ROBO2: variants seen among roughly 807,000 people sequenced by gnomAD.
ROBO2 encodes roundabout homolog 2.
In ROBO2, 53 loss-of-function variants were observed where a neutral mutation model predicts 160.8. The ratio of observed to expected loss-of-function variants is 0.33; its 90% CI spans 0.26 to 0.41. The LOEUF (loss-of-function observed/expected upper bound fraction) is 0.41. Ranked by LOEUF, ROBO2 falls within the 10% of genes least tolerant of loss-of-function variation. The pLI is 1.00. For missense variants in ROBO2, 1,577 were observed against 1,722.4 expected (o/e 0.92, Z 1.49); for synonymous variants, 664 against 611.7 (o/e 1.09, Z -1.26).
At chr3:76,000,151 A>G (rs1249490317) in intron 2 of ROBO2, among the ~76,000 whole-genome samples, 1 of 152,128 alleles carries the variant, frequency 6.6e-6, no homozygotes, top group Admixed American at 6.6e-5. Flanking sequence ...AGACCTTAAC[A>G]TTCATCATCT....
At chr3:76,864,411 T>A (rs1412590471) in intron 2 of ROBO2, among the ~76,000 whole-genome samples, 1 of 152,054 alleles carries the variant, frequency 6.6e-6, no homozygotes, top group African/African-American at 2.4e-5. Context: ...AATAGAAAAA[T>A]TATTCCACCG....
intron 2 of ROBO2, among the ~76,000 whole-genome samples, chr3:76,105,305 C>A (rs1407249932): frequency 6.6e-6 from 1 of 152,046 alleles, no homozygotes; most frequent in African/African-American, 2.4e-5. Flanking sequence ...GAATTGCACA[C>A]CTTCTATAAA....
intron 2 of ROBO2, among the ~76,000 whole-genome samples, chr3:76,594,526 G>A (rs1031550606): frequency 6.6e-6 from 1 of 151,932 alleles, no homozygotes; most frequent in African/African-American, 2.4e-5. Context: ...AATTCCTAAA[G>A]AGCCTTATCC....
At chr3:76,444,643 A>G (rs2077081265) in intron 2 of ROBO2, among the ~76,000 whole-genome samples, 1 of 152,112 alleles carries the variant, frequency 6.6e-6, no homozygotes, top group Non-Finnish European at 1.5e-5. Context: ...GCATGGGGGA[A>G]CCACCTCCAT....
At chr3:76,245,465 G>A (rs1326090983) in intron 2 of ROBO2, among the ~76,000 whole-genome samples, 2 of 152,048 alleles carry the variant, frequency 1.3e-5, no homozygotes, top group African/African-American at 4.8e-5. Flanking sequence ...AGCTCTTTGG[G>A]AAAATGATCC....
At chr3:77,091,021 C>G (rs950338025) in intron 1 of ROBO2, among the ~76,000 whole-genome samples, 1 of 152,166 alleles carries the variant, frequency 6.6e-6, no homozygotes, top group South Asian at 2.1e-4. Context: ...ATATTTCACA[C>G]TCTGTCCCTA....
chr3:76,749,813 T>C (rs2093951282), intron 2 of ROBO2, among the ~76,000 whole-genome samples: 1 of 151,654 alleles, frequency 6.6e-6, no homozygotes, highest in African/African-American at 2.4e-5. Context: ...AGGTTTAAGA[T>C]GGCACAACCC....
chr3:76,248,672 AAG>A (rs1491113279), intron 2 of ROBO2, among the ~76,000 whole-genome samples: 2,721 of 69,678 alleles, frequency 0.039, 93 homozygotes, highest in East Asian at 0.26. Flanking sequence ...AAAAAAAAAA[AAG>A]AAATTCTTCC....
At chr3:76,598,087 A>G (rs761310924) in intron 2 of ROBO2, among the ~76,000 whole-genome samples, 1 of 152,118 alleles carries the variant, frequency 6.6e-6, no homozygotes, top group Non-Finnish European at 1.5e-5. Flanking sequence ...CTATTAAGCC[A>G]TAAAAAGGAA....
intron 2 of ROBO2, among the ~76,000 whole-genome samples, chr3:77,151,107 G>T (rs1403240801): frequency 6.6e-6 from 1 of 152,006 alleles, no homozygotes; most frequent in East Asian, 1.9e-4. Flanking sequence ...CCTAGATCTT[G>T]TCCTCTTTTG....
At chr3:75,930,995 C>A (rs1041592990) in intron 1 of ROBO2, among the ~76,000 whole-genome samples, 1 of 152,206 alleles carries the variant, frequency 6.6e-6, no homozygotes, top group African/African-American at 2.4e-5. Flanking sequence ...GTTTCCAACT[C>A]TCCCGCTTTT....
chr3:77,595,731 C>T (rs1467449075), intron 18 of ROBO2, among the ~76,000 whole-genome samples: 1 of 152,102 alleles, frequency 6.6e-6, no homozygotes, highest in Non-Finnish European at 1.5e-5. Flanking sequence ...TCCAATCTCC[C>T]ATTTAATCAA....
chr3:77,333,384 A>G (rs2066173955), intron 2 of ROBO2, among the ~76,000 whole-genome samples: 1 of 152,208 alleles, frequency 6.6e-6, no homozygotes. Context: ...GAAATGGTAA[A>G]GAATCCTAGA....
chr3:76,387,178 T>C (rs913687249), intron 2 of ROBO2, among the ~76,000 whole-genome samples: 1 of 152,080 alleles, frequency 6.6e-6, no homozygotes, highest in Non-Finnish European at 1.5e-5. Flanking sequence ...TCAGCCCTTT[T>C]GTAAGGCAGT....
At chr3:77,534,953 G>T (rs148151109) in intron 6 of ROBO2, among the ~76,000 whole-genome samples, 3,391 of 152,262 alleles carry the variant, frequency 0.022, 58 homozygotes, top group Admixed American at 0.059. Context: ...AAATGTTTAT[G>T]CAAGCAGCTT....
chr3:77,292,354 T>C lies in ROBO2; in HGVS notation c.389-185060T>C, dbSNP rs192111668. Among the ~76,000 whole-genome samples, 880 of 151,460 alleles carry C rather than the reference T, an allele frequency of 5.8e-3. 1 individual carries two copies. Among genetic ancestry groups the C allele is most frequent in the Middle Eastern group, 0.01 (3 of 290 alleles). ...GAACAGTAAAGACATAAAGTAAAAT[T>C]GACGGTTAAATGGGTAAGCTGAGGC... On this transcript the variant is annotated intron_variant, in intron 2 of 25. Coordinates refer to ENST00000461745, the Ensembl canonical transcript of ROBO2.
At chr3:77,264,056 AT>A (rs1655544945) in intron 2 of ROBO2, among the ~76,000 whole-genome samples, 2 of 152,172 alleles carry the variant, frequency 1.3e-5, no homozygotes, top group Admixed American at 6.5e-5. Context: ...CACCATCATC[AT>A]CACCATCATC....
chr3:76,232,362 G>C (rs1006959223), intron 2 of ROBO2, among the ~76,000 whole-genome samples: 1 of 152,158 alleles, frequency 6.6e-6, no homozygotes, highest in African/African-American at 2.4e-5. Flanking sequence ...ACTCCATGGA[G>C]ACACGGTCAA....
chr3:76,355,018 GTATGTT>G (rs769115209), intron 2 of ROBO2, among the ~76,000 whole-genome samples: 1 of 146,652 alleles, frequency 6.8e-6, no homozygotes, highest in Non-Finnish European at 1.5e-5. Context: ...GTGTGTATGT[GTATGTT>G]TATGTGTATG....
Sources: gnomAD v4.1 joint callset for allele counts (sites outside exome capture counted in the v4.1 genomes callset) on GRCh38, gnomAD v4.1.1 for gene constraint, MANE v1.5 for transcripts, NCBI Gene and HGNC (gene_info 2026-07-23, HGNC 2026-07-21) for gene names.